The following DOCK4 variants were observed in gnomAD, a reference collection of about 807,000 sequenced individuals.
DOCK4 encodes the protein dedicator of cytokinesis protein 4.
A neutral mutation model predicts 268.1 loss-of-function variants in DOCK4; 97 were observed. That is an observed-to-expected ratio of 0.36 (90% CI 0.31 to 0.43). The LOEUF is 0.43. DOCK4 is among the 20% of genes least tolerant of loss of function. DOCK4 has a pLI of 1.00. For synonymous variants in DOCK4, 954 were observed against 887.2 expected (o/e 1.08, Z -1.34); for missense variants, 2,145 against 2,455.7 (o/e 0.87, Z 2.67).
chr7:112,049,656 A>G (rs1287620442), intron 1 of DOCK4, among the ~76,000 whole-genome samples: 1 of 152,166 alleles, frequency 6.6e-6, no homozygotes, highest in Non-Finnish European at 1.5e-5. Flanking sequence ...AGCACTTCAC[A>G]TATAAAGGCA....
At chr7:111,913,225 T>C (rs1792280236) in intron 13 of DOCK4, among the ~76,000 whole-genome samples, 1 of 151,874 alleles carries the variant, frequency 6.6e-6, no homozygotes, top group African/African-American at 2.4e-5. Flanking sequence ...TCAGCCTCAG[T>C]GCTGGGATTA....
chr7:112,032,528 T>G (rs1803370001), intron 1 of DOCK4, among the ~76,000 whole-genome samples: 1 of 152,204 alleles, frequency 6.6e-6, no homozygotes, highest in South Asian at 2.1e-4. Context: ...CTTTTTGTAT[T>G]TTGGTATTTG....
chr7:111,897,501 A>G (rs1420854022), intron 15 of DOCK4, among the ~76,000 whole-genome samples: 2 of 152,180 alleles, frequency 1.3e-5, no homozygotes, highest in African/African-American at 2.4e-5. Context: ...GACTTTAGAA[A>G]TCATCAAAAT....
At chr7:112,006,177 A>ACCT (rs1800846773) in intron 1 of DOCK4, among the ~76,000 whole-genome samples, 1 of 152,058 alleles carries the variant, frequency 6.6e-6, no homozygotes, top group Non-Finnish European at 1.5e-5. Context: ...TACCTGTGTG[A>ACCT]CCTCGGTCAG....
intron 1 of DOCK4, among the ~76,000 whole-genome samples, chr7:112,082,015 A>G (rs1808633311): frequency 6.6e-6 from 1 of 151,334 alleles, no homozygotes; most frequent in African/African-American, 2.4e-5. Flanking sequence ...TACTCATGTG[A>G]CAAATGGATG....
intron 1 of DOCK4, among the ~76,000 whole-genome samples, chr7:112,125,419 T>G (rs530538522): frequency 9.2e-5 from 14 of 152,332 alleles, no homozygotes; most frequent in African/African-American, 3.1e-4. Context: ...TAGACAAAGC[T>G]CAATTGTACT....
intron 15 of DOCK4, 116 bp from the exon 16 acceptor site, chr7:111,895,834 T>C (rs563269020): frequency 3.3e-6 from 3 of 921,738 alleles, no homozygotes; most frequent in South Asian, 2.9e-5. Context: ...CACTACACAA[T>C]GCAGCACAGC....
intron 16 of DOCK4, among the ~76,000 whole-genome samples, chr7:111,894,205 G>C (rs56088200): frequency 0.011 from 1,645 of 143,746 alleles, 32 homozygotes; most frequent in African/African-American, 0.042. Context: ...CTGGGCGACA[G>C]AGCAAGACTC....
chr7:111,801,983 G>A (rs748025246), intron 30 of DOCK4, among the ~76,000 whole-genome samples: 2 of 151,596 alleles, frequency 1.3e-5, no homozygotes, highest in Non-Finnish European at 2.9e-5. Context: ...TTACAGGCGT[G>A]AGCCACCGTG....
intron 7 of DOCK4, among the ~76,000 whole-genome samples, chr7:111,978,680 G>C (rs1365730421): frequency 1.3e-5 from 2 of 152,192 alleles, no homozygotes; most frequent in Admixed American, 1.3e-4. Context: ...TGCAGTGAGG[G>C]ACCAGGTTGT....
intron 8 of DOCK4, among the ~76,000 whole-genome samples, chr7:111,948,338 T>A (rs1293022479): frequency 6.6e-6 from 1 of 152,284 alleles, no homozygotes; most frequent in South Asian, 2.1e-4. Flanking sequence ...ACCCTAGCAC[T>A]CCATTAGAAT....
intron 25 of DOCK4, among the ~76,000 whole-genome samples, chr7:111,840,582 G>T (rs146326009): frequency 6.6e-6 from 1 of 151,836 alleles, no homozygotes; most frequent in East Asian, 1.9e-4. Flanking sequence ...AACAGTCGGT[G>T]GAAAAACAAA....
intron 21 of DOCK4, among the ~76,000 whole-genome samples, chr7:111,868,475 C>T (rs935138522): frequency 2.0e-5 from 3 of 152,140 alleles, no homozygotes; most frequent in African/African-American, 7.2e-5. Context: ...CTTTGGGAGG[C>T]CGAGGCGGGT....
chr7:111,961,995 A>G (rs1431442043), intron 8 of DOCK4, among the ~76,000 whole-genome samples: 2 of 152,168 alleles, frequency 1.3e-5, no homozygotes, highest in Non-Finnish European at 2.9e-5. Context: ...TTCAACCAAG[A>G]GCTCATATAC....
chr7:111,792,966 T>C (rs1181896979), intron 30 of DOCK4, among the ~76,000 whole-genome samples: 1 of 152,164 alleles, frequency 6.6e-6, no homozygotes, highest in Non-Finnish European at 1.5e-5. Flanking sequence ...GATGAACACA[T>C]GAGGAAAGTG....
At chr7:111,872,399 CT>C (rs1562828491) in intron 18 of DOCK4, 47 bp from the exon 19 acceptor site, 1 of 1,528,084 alleles carries the variant, frequency 6.5e-7, no homozygotes, top group Non-Finnish European at 8.9e-7. Flanking sequence ...TACTATCTGT[CT>C]TTTTCCTCCA....
In DOCK4 at chr7:111,726,399, T is replaced by A. The variant is rs915743683; in HGVS notation, c.*1875A>T. 6.6e-6 allele frequency: 1 copy of A among 152,482 alleles called. No homozygotes were observed. The highest frequency in any genetic ancestry group is 2.4e-5 in the African/African-American group (1 of 41,454). 9.4% of individuals were successfully genotyped at this position (152,482 alleles called of 1,614,324 possible). A position where few individuals can be genotyped will look rare whatever the true frequency, so the allele number is the denominator to read the frequency against. Reference sequence around the variant, plus strand: ...AAGCTTTGTTATCTTATGCATGTCATCTTATTTAAATGGAAGGTTTTACTT... The same window carrying A: ...AAGCTTTGTTATCTTATGCATGTCAACTTATTTAAATGGAAGGTTTTACTT... On this transcript the variant is annotated 3_prime_UTR_variant, in exon 53 of 53. Coordinates refer to ENST00000428084, the MANE Select transcript of DOCK4 (RefSeq NM_001363540.2).
At chr7:112,009,651 G>A (rs542409777) in intron 1 of DOCK4, among the ~76,000 whole-genome samples, 13 of 152,134 alleles carry the variant, frequency 8.5e-5, no homozygotes, top group Admixed American at 1.3e-4. Context: ...CGGCTCTGGC[G>A]TGTCATGGAA....
At chr7:111,872,709 C>G in intron 17 of DOCK4, 145 bp from the exon 18 acceptor site, 1 of 611,318 alleles carries the variant, frequency 1.6e-6, no homozygotes, top group Non-Finnish European at 2.8e-6. Context: ...CAAACTATGA[C>G]TAGCCCTCTC....
Sources: gnomAD v4.1 joint callset for allele counts (sites outside exome capture counted in the v4.1 genomes callset) on GRCh38, gnomAD v4.1.1 for gene constraint, MANE v1.5 for transcripts, NCBI Gene and HGNC (gene_info 2026-07-23, HGNC 2026-07-21) for gene names.